HORMAD2: variants seen among roughly 807,000 people sequenced by gnomAD.
HORMAD2 encodes the protein HORMA domain-containing protein 2.
In HORMAD2, 45 loss-of-function variants were observed where a neutral mutation model predicts 38.8. The ratio of observed to expected loss-of-function variants is 1.16; its 90% CI spans 0.91 to 1.49. HORMAD2 has a LOEUF of 1.49. Among genes scored for constraint, HORMAD2 ranks in the 40% most tolerant of loss-of-function variants. The pLI is 0.00. For synonymous variants in HORMAD2, 126 were observed against 122.8 expected (o/e 1.03, Z -0.17); for missense variants, 338 against 367.0 (o/e 0.92, Z 0.65).
chr22:30,191,286 G>A, the HORMAD2 span, among the ~76,000 whole-genome samples: 7 of 152,092 alleles, frequency 4.6e-5, no homozygotes, highest in African/African-American at 1.7e-4. Context: ...AGCAGAGAAG[G>A]TTTTTATAAT....
intron 10 of HORMAD2, among the ~76,000 whole-genome samples, chr22:30,151,088 G>A (rs756381483): frequency 3.3e-5 from 5 of 152,074 alleles, no homozygotes; most frequent in East Asian, 1.9e-4. Context: ...TTAGAATGAC[G>A]TGCATTTGAC....
intron 10 of HORMAD2, among the ~76,000 whole-genome samples, chr22:30,125,854 G>C (rs138432976): frequency 2.0e-5 from 3 of 152,222 alleles, no homozygotes; most frequent in East Asian, 3.9e-4. Context: ...CTGAACACTA[G>C]AGCTGGGATG....
chr22:30,086,952 G>A (rs1402481381), intron 1 of HORMAD2, among the ~76,000 whole-genome samples: 1 of 152,048 alleles, frequency 6.6e-6, no homozygotes, highest in Non-Finnish European at 1.5e-5. Flanking sequence ...GTGCCACTAC[G>A]CCCAGCTAAT....
At position 30,176,095 on chromosome 22, in the gene HORMAD2, A is replaced by C; in HGVS notation, c.852A>C (p.Gln284His). 6.2e-7 allele frequency: 1 copy of C among 1,613,300 alleles called. No homozygotes were observed. Among genetic ancestry groups the C allele is most frequent in the Non-Finnish European group, 8.5e-7 (1 of 1,179,386 alleles). ...IQRMNFVCSQ[Q>H]SSECSRKKRK... ...GAATGAATTTTGTGTGCAGTCAGCAAAGTTCTGAGTGCTCCAGGAAGAAGA... is the reference window on the plus strand; with the variant it reads ...GAATGAATTTTGTGTGCAGTCAGCACAGTTCTGAGTGCTCCAGGAAGAAGA... Residue 284 changes from glutamine (Q) to histidine (H), a missense_variant, in exon 11 of 11, where the codon CAA becomes CAC. Physicochemically the swap from Gln to His is conservative, Grantham distance 24 (BLOSUM62 0). Transcript: ENST00000336726.
At chr22:30,160,014 A>C (rs1043565736) in intron 10 of HORMAD2, among the ~76,000 whole-genome samples, 2 of 151,842 alleles carry the variant, frequency 1.3e-5, no homozygotes, top group Admixed American at 6.6e-5. Flanking sequence ...CCCTCTCTCC[A>C]TTCTTCTTTT....
chr22:30,151,676 T>A (rs1924758338), intron 10 of HORMAD2, among the ~76,000 whole-genome samples: 1 of 152,224 alleles, frequency 6.6e-6, no homozygotes, highest in South Asian at 2.1e-4. Context: ...CTGAAAATAT[T>A]TGCATGTTTT....
intron 10 of HORMAD2, among the ~76,000 whole-genome samples, chr22:30,146,335 G>GA (rs928836636): frequency 6.7e-5 from 10 of 148,676 alleles, no homozygotes; most frequent in Admixed American, 2.7e-4. Context: ...TGCTAAAATA[G>GA]AAAAAAAAAA....
chr22:30,155,183 A>G (rs907776965), intron 10 of HORMAD2, among the ~76,000 whole-genome samples: 3 of 151,970 alleles, frequency 2.0e-5, no homozygotes, highest in African/African-American at 7.3e-5. Context: ...TCCCATTTCA[A>G]TTATGTTTTA....
chr22:30,190,701 C>A, the HORMAD2 span, among the ~76,000 whole-genome samples: 2 of 152,222 alleles, frequency 1.3e-5, no homozygotes, highest in Non-Finnish European at 2.9e-5. Context: ...ACATGAAATG[C>A]AAGCCAGCAA....
intron 1 of HORMAD2, among the ~76,000 whole-genome samples, chr22:30,084,655 T>C (rs1375369269): frequency 6.6e-6 from 1 of 152,038 alleles, no homozygotes; most frequent in Non-Finnish European, 1.5e-5. Context: ...TTTTACTTAT[T>C]TATTTATTTT....
chr22:30,154,485 G>A (rs1408632109), intron 10 of HORMAD2, among the ~76,000 whole-genome samples: 1 of 152,134 alleles, frequency 6.6e-6, no homozygotes, highest in Non-Finnish European at 1.5e-5. Context: ...CAAAACTGAG[G>A]AATCAGCTTT....
At chr22:30,188,327 C>T in the HORMAD2 span, among the ~76,000 whole-genome samples, 14 of 152,094 alleles carry the variant, frequency 9.2e-5, no homozygotes, top group Admixed American at 8.5e-4. Context: ...GAATTTCTGT[C>T]TCTAATTAAA....
intron 10 of HORMAD2, among the ~76,000 whole-genome samples, chr22:30,131,896 G>T (rs1452366071): frequency 6.6e-6 from 1 of 152,006 alleles, no homozygotes; most frequent in Non-Finnish European, 1.5e-5. Flanking sequence ...TTTCTTTTGT[G>T]CCAACACACT....
At chr22:30,154,246 A>G (rs1187081929) in intron 10 of HORMAD2, among the ~76,000 whole-genome samples, 3 of 152,326 alleles carry the variant, frequency 2.0e-5, no homozygotes, top group Middle Eastern at 3.4e-3. Flanking sequence ...TTTCCACAAT[A>G]TTTGTCACTA....
intron 10 of HORMAD2, among the ~76,000 whole-genome samples, chr22:30,133,854 G>A (rs1274750649): frequency 2.0e-5 from 3 of 152,002 alleles, no homozygotes; most frequent in African/African-American, 7.3e-5. Context: ...TTTTATAAGG[G>A]ATTTGAGCAT....
intron 1 of HORMAD2, among the ~76,000 whole-genome samples, chr22:30,092,472 G>T (rs2068709097): frequency 6.7e-6 from 1 of 149,500 alleles, no homozygotes; most frequent in South Asian, 2.1e-4. Context: ...TCACTCTGTT[G>T]GTTATTTACT....
chr22:30,124,194 A>G (rs1438019417), intron 10 of HORMAD2, among the ~76,000 whole-genome samples: 1 of 150,886 alleles, frequency 6.6e-6, no homozygotes, highest in Non-Finnish European at 1.5e-5. Flanking sequence ...AAGTCTAGTA[A>G]AGTGGTTACT....
chr22:30,194,268 C>T, the HORMAD2 span, among the ~76,000 whole-genome samples: 1 of 152,122 alleles, frequency 6.6e-6, no homozygotes, highest in African/African-American at 2.4e-5. Flanking sequence ...TGAAGCATGT[C>T]TAGGGAAAGG....
chr22:30,082,698 A>G (rs979481605), intron 1 of HORMAD2, among the ~76,000 whole-genome samples: 11 of 151,688 alleles, frequency 7.3e-5, no homozygotes, highest in East Asian at 5.9e-4. Flanking sequence ...GAAGGCTGAG[A>G]TAGGAGGATC....
Sources: allele counts gnomAD v4.1 joint callset (sites outside exome capture counted in the v4.1 genomes callset), GRCh38; gene constraint gnomAD v4.1.1; transcripts MANE v1.5; gene names NCBI Gene and HGNC (gene_info 2026-07-23, HGNC 2026-07-21).